The following SLC7A11 variants were observed in gnomAD, a reference collection of about 807,000 sequenced individuals.
The protein encoded by SLC7A11 is cystine/glutamate transporter.
A neutral mutation model predicts 54.5 loss-of-function variants in SLC7A11; 35 were observed. The observed-to-expected ratio is 0.64, with a 90% confidence interval of 0.49 to 0.85. The LOEUF is 0.85. Ranked by LOEUF, SLC7A11 falls within the 40% of genes least tolerant of loss-of-function variation. The pLI is 0.00. For missense variants in SLC7A11, 583 were observed against 618.1 expected, an observed-to-expected ratio of 0.94 and a Z score of 0.60; for synonymous variants, 230 against 225.2, an observed-to-expected ratio of 1.02 and a Z score of -0.19.
chr4:138,165,647 A>C lies in SLC7A11; in HGVS notation c.*6309T>G, dbSNP rs1736236749. 1 of 152,310 alleles carries C rather than the reference A, an allele frequency of 6.6e-6. No individual in the cohort carries two copies. The highest frequency in any genetic ancestry group is 6.5e-5 in the Admixed American group (1 of 15,288). The allele number at this position is 152,310 out of a possible 1,614,324, so 9.4% of individuals were successfully genotyped here. On this transcript the variant is annotated 3_prime_UTR_variant, in exon 12 of 12. Transcript: ENST00000280612. ...ATTTGGAGCCAATGTCTGTATTCAA[A>C]ATAACCAAAATATATTTTAAAGCAA...
chr4:138,221,866 T>G (rs1254427526), intron 4 of SLC7A11, among the ~76,000 whole-genome samples: 1 of 152,210 alleles, frequency 6.6e-6, no homozygotes, highest in East Asian at 1.9e-4. Flanking sequence ...TCTAAACTAG[T>G]ATTAAAGAAC....
chr4:138,208,132 C>A (rs1433536849), intron 6 of SLC7A11, among the ~76,000 whole-genome samples: 3 of 152,030 alleles, frequency 2.0e-5, no homozygotes, highest in African/African-American at 4.8e-5. Flanking sequence ...TTTGAGGCAT[C>A]AATTAATATA....
At chr4:138,208,802 A>ATG (rs1737473089) in intron 6 of SLC7A11, among the ~76,000 whole-genome samples, 1 of 151,842 alleles carries the variant, frequency 6.6e-6, no homozygotes, top group Admixed American at 6.6e-5. Flanking sequence ...CAATACTCTT[A>ATG]TTATAAAAGT....
At chr4:138,192,926 G>A (rs555854167) in intron 6 of SLC7A11, among the ~76,000 whole-genome samples, 46 of 152,040 alleles carry the variant, frequency 3.0e-4, no homozygotes, top group Non-Finnish European at 1.8e-4. Flanking sequence ...GACAAGCAAC[G>A]TTAAGTAAAT....
At chr4:138,230,202 G>A (rs1309890792) in intron 3 of SLC7A11, among the ~76,000 whole-genome samples, 1 of 152,048 alleles carries the variant, frequency 6.6e-6, no homozygotes, top group Non-Finnish European at 1.5e-5. Context: ...ATAAGTGGGA[G>A]CTAAATGATG....
intron 5 of SLC7A11, among the ~76,000 whole-genome samples, chr4:138,215,821 A>T (rs906535004): frequency 3.9e-5 from 6 of 152,164 alleles, no homozygotes; most frequent in African/African-American, 1.4e-4. Context: ...ACACCCCAAG[A>T]AATATTTTTA....
chr4:138,196,915 C>A (rs902155018), intron 6 of SLC7A11, among the ~76,000 whole-genome samples: 3 of 152,192 alleles, frequency 2.0e-5, no homozygotes. Flanking sequence ...CCACCTTGGC[C>A]TCCCAAAGTG....
chr4:138,213,922 C>A (rs1265809533), intron 6 of SLC7A11, among the ~76,000 whole-genome samples: 2 of 152,148 alleles, frequency 1.3e-5, no homozygotes, highest in East Asian at 3.9e-4. Context: ...CCCTCTTTTG[C>A]CCATGAATTA....
At chr4:138,185,599 C>A (rs1351695255) in intron 6 of SLC7A11, among the ~76,000 whole-genome samples, 1 of 152,126 alleles carries the variant, frequency 6.6e-6, no homozygotes, top group Admixed American at 6.6e-5. Flanking sequence ...CTCCACCCCA[C>A]AGTTTCCAAT....
intron 8 of SLC7A11, 103 bp from the exon 9 acceptor site, chr4:138,182,496 G>A (rs1045624722): frequency 4.3e-6 from 3 of 697,458 alleles, no homozygotes; most frequent in Middle Eastern, 2.4e-4. Flanking sequence ...ATACCAAATG[G>A]TCAGGTATTC....
At chr4:138,179,440 A>G in intron 10 of SLC7A11, 46 bp from the exon 11 acceptor site, 2 of 1,550,854 alleles carry the variant, frequency 1.3e-6, no homozygotes, top group Non-Finnish European at 1.8e-6. Context: ...TGTTCAAGCA[A>G]CAGAAGCTGG....
At chr4:138,201,825 C>T (rs560293552) in intron 6 of SLC7A11, among the ~76,000 whole-genome samples, 24 of 152,218 alleles carry the variant, frequency 1.6e-4, no homozygotes, top group African/African-American at 4.6e-4. Flanking sequence ...ATATCTAATT[C>T]TCACAACGAT....
intron 1 of SLC7A11, among the ~76,000 whole-genome samples, chr4:138,236,958 A>G (rs540420173): frequency 1.4e-4 from 21 of 148,732 alleles, no homozygotes; most frequent in South Asian, 4.3e-4. Context: ...TTAGAAAACC[A>G]TGGACTCTCT....
intron 5 of SLC7A11, among the ~76,000 whole-genome samples, 162 bp from the exon 6 acceptor site, chr4:138,214,791 T>C (rs1197785270): frequency 6.6e-6 from 1 of 152,206 alleles, no homozygotes; most frequent in Non-Finnish European, 1.5e-5. Flanking sequence ...TAAGTCATTT[T>C]TCTATTAAGC....
At chr4:138,183,611 CAA>C (rs1172561052) in intron 7 of SLC7A11, among the ~76,000 whole-genome samples, 2 of 152,186 alleles carry the variant, frequency 1.3e-5, no homozygotes, top group East Asian at 3.9e-4. Flanking sequence ...CTGACTCTGA[CAA>C]GTGATAAAAG....
chr4:138,202,197 G>A (rs906574802), intron 6 of SLC7A11, among the ~76,000 whole-genome samples: 2 of 151,902 alleles, frequency 1.3e-5, no homozygotes, highest in African/African-American at 4.8e-5. Flanking sequence ...GTAGTAAATA[G>A]GATTAGGGAT....
intron 2 of SLC7A11, among the ~76,000 whole-genome samples, chr4:138,232,637 C>G (rs752999250): frequency 6.6e-6 from 1 of 152,158 alleles, no homozygotes; most frequent in Non-Finnish European, 1.5e-5. Flanking sequence ...CCCTGCTCTC[C>G]CATATTTGAC....
intron 6 of SLC7A11, among the ~76,000 whole-genome samples, chr4:138,203,290 A>C (rs1560728057): frequency 6.6e-6 from 1 of 152,130 alleles, no homozygotes; most frequent in Non-Finnish European, 1.5e-5. Context: ...CTAAACAATA[A>C]TCCTTTTTAT....
In SLC7A11 at chr4:138,193,195, T is replaced by C. The variant is rs1052649723; in HGVS notation, c.792-7951A>G. On this transcript the variant is annotated intron_variant, in intron 6 of 11. Transcript: ENST00000280612. ...CACCCAAAATTGCCTCCAACATTTC[T>C]GACCAAAAAAGGCAAGTGCAACTAA... Among the ~76,000 whole-genome samples the C allele has an allele frequency of 5.9e-5, 9 of 152,274 alleles. No individual in the cohort carries two copies. In the East Asian group the frequency reaches 1.7e-3, roughly 29 times the overall value.
Sources: gnomAD v4.1 joint callset for allele counts (sites outside exome capture counted in the v4.1 genomes callset) on GRCh38, gnomAD v4.1.1 for gene constraint, MANE v1.5 for transcripts, NCBI Gene and HGNC (gene_info 2026-07-23, HGNC 2026-07-21) for gene names.